SPATA13: variants seen among roughly 807,000 people sequenced by gnomAD.
SPATA13 encodes the protein spermatogenesis-associated protein 13.
Under a neutral mutation model 104.0 loss-of-function variants are expected in SPATA13, and 50 were observed. The ratio of observed to expected loss-of-function variants is 0.48; its 90% CI spans 0.38 to 0.61. The LOEUF (loss-of-function observed/expected upper bound fraction) is 0.61, where lower values mean the gene tolerates loss of function less well. Ranked by LOEUF, SPATA13 falls within the 20% of genes least tolerant of loss-of-function variation. The pLI is 0.00. For synonymous variants in SPATA13, 606 were observed against 667.5 expected, an observed-to-expected ratio of 0.91 and a Z score of 1.42; for missense variants, 1,524 against 1,690.6, an observed-to-expected ratio of 0.90 and a Z score of 1.73.
At position 24,190,282 on chromosome 13, in the gene SPATA13, A is replaced by ATGGTATATAATATTTATT. The variant is rs1869608573; in HGVS notation, c.-112+29350_-112+29351insTGGTATATAATATTTATT. Among the ~76,000 whole-genome samples the ATGGTATATAATATTTATT allele has an allele frequency of 1.8e-4, 2 of 10,922 alleles. 1 individual carries two copies. The highest frequency in any genetic ancestry group is 2.0e-4 in the African/African-American group (2 of 9,760). The allele number at this position is 10,922 out of a possible 152,430, so 7.2% of individuals were successfully genotyped here. A position where few individuals can be genotyped will look rare whatever the true frequency, so the allele number is the denominator to read the frequency against. ...ATACATAATATATATTATTATATAT[A>ATGGTATATAATATTTATT]ATATATAATATTATATATTATTATA... On this transcript the variant is annotated intron_variant, in intron 1 of 12. Transcript: ENST00000382108.
At chr13:24,056,106 G>T (rs1221283523) in intron 3 of SPATA13, among the ~76,000 whole-genome samples, 1 of 152,324 alleles carries the variant, frequency 6.6e-6, no homozygotes, top group African/African-American at 2.4e-5. Context: ...GGTTATGATA[G>T]AAAGATGGGA....
Position 24,203,391 on chromosome 13 carries a change from AAACT to A in SPATA13, c.-111-19427_-111-19424del, listed in dbSNP as rs1180394485. 2.0e-5 allele frequency among the ~76,000 whole-genome samples: 3 copies of A among 152,170 alleles called. No individual in the cohort carries two copies. The East Asian group carries it at 5.8e-4, about 29-fold the overall frequency. ...TCAACTTTTTAAGTAGCTTTTTCCTAAACTTGATCTTCCTGTGTCTGAGCCCCTA... is the reference window on the plus strand; with the variant it reads ...TCAACTTTTTAAGTAGCTTTTTCCTATGATCTTCCTGTGTCTGAGCCCCTA... On this transcript the variant is annotated intron_variant, in intron 1 of 12. Transcript: ENST00000382108.
chr13:24,138,477 A>G (rs1881647164), intron 3 of SPATA13, among the ~76,000 whole-genome samples: 1 of 152,252 alleles, frequency 6.6e-6, no homozygotes, highest in Admixed American at 6.5e-5. Flanking sequence ...TTAATAAAGG[A>G]ACTGCTGCGT....
At chr13:24,222,760 G>A in intron 1 of SPATA13, 59 bp from the exon 2 acceptor site, 1 of 1,417,286 alleles carries the variant, frequency 7.1e-7, no homozygotes, top group South Asian at 1.4e-5. Flanking sequence ...CTTCTTCTGT[G>A]AGCAGAGGGG....
intron 12 of SPATA13, 80 bp downstream of exon 12, chr13:24,300,555 C>G (rs753542756): frequency 5.4e-6 from 7 of 1,305,924 alleles, no homozygotes; most frequent in Non-Finnish European, 7.7e-6. Context: ...AAGTTGTCAG[C>G]CTGTGACCAG....
chr13:24,306,982 A>G lies in SPATA13; in HGVS notation c.*4209A>G, dbSNP rs140906951. 137 of 152,384 alleles carry G rather than the reference A, an allele frequency of 9.0e-4. 1 individual carries two copies. Among genetic ancestry groups the G allele is most frequent in the African/African-American group, 3.1e-3 (130 of 41,588 alleles). 9.4% of individuals were successfully genotyped at this position (152,384 alleles called of 1,614,324 possible). ...TTTTTGTTGAAGTTTTTTGTAAAAA[A>G]AAATTATTTACAATGTTATTTGAAT... On this transcript the variant is annotated 3_prime_UTR_variant, in exon 13 of 13. Coordinates refer to ENST00000382108, the MANE Select transcript of SPATA13 (RefSeq NM_001166271.3).
rs1876472659 is a variant in SPATA13 at position 24,011,597 on chromosome 13, C to T, written c.-146-6070C>T. 6.6e-6 allele frequency among the ~76,000 whole-genome samples: 1 copy of T among 152,198 alleles called. No individual in the cohort carries two copies. Among genetic ancestry groups the T allele is most frequent in the African/African-American group, 2.4e-5 (1 of 41,448 alleles). ...GATATGGATACAGACTAGCATGTCC[C>T]ATGCACCAGGACCCTCAGATCCACC... On this transcript the variant is annotated intron_variant, in intron 2 of 14. Transcript: ENST00000424834. The surrounding 1 kb of genome is among the most constrained non-coding windows in gnomAD (Gnocchi z 4.3).
In SPATA13 at chr13:24,284,172, G is replaced by A. The variant is rs745793125; in HGVS notation, c.2202G>A (p.Val734=). 1.2e-6 allele frequency: 2 copies of A among 1,613,884 alleles called. No homozygotes were observed. The highest frequency in any genetic ancestry group is 8.5e-7 in the Non-Finnish European group (1 of 1,179,920). Residue 734 remains valine, a synonymous_variant, in exon 5 of 13, where the codon GTG becomes GTA. Transcript: ENST00000382108. ...GAGGTACTGAGCCCTCTGCCTTAGT[G>A]GATGACAACGGTAGTGAGGAGGACT... is the stretch of plus-strand genomic sequence containing the variant. ...SDGGTEPSAL[V]DDNGSEEDFS...
intron 3 of SPATA13, among the ~76,000 whole-genome samples, chr13:24,118,438 C>G (rs1006512132): frequency 1.1e-4 from 17 of 152,146 alleles, no homozygotes; most frequent in Non-Finnish European, 2.4e-4. Flanking sequence ...ACAAGGAATT[C>G]CTAAGCACCA....
intron 3 of SPATA13, among the ~76,000 whole-genome samples, chr13:24,143,032 C>T (rs1175907639): frequency 6.6e-6 from 1 of 152,142 alleles, no homozygotes; most frequent in African/African-American, 2.4e-5. Flanking sequence ...GGCTTGAGTC[C>T]AAGTTGTTTC....
chr13:24,126,091 G>A (rs1402372053), intron 3 of SPATA13, among the ~76,000 whole-genome samples: 1 of 152,178 alleles, frequency 6.6e-6, no homozygotes, highest in Non-Finnish European at 1.5e-5. Context: ...CATTCTAGAA[G>A]TGATGAGAAA....
chr13:24,089,772 G>A (rs1879854684), intron 3 of SPATA13, among the ~76,000 whole-genome samples: 1 of 152,134 alleles, frequency 6.6e-6, no homozygotes, highest in African/African-American at 2.4e-5. Flanking sequence ...AGACTGAGGG[G>A]GTAACTTATA....
intron 3 of SPATA13, among the ~76,000 whole-genome samples, chr13:24,134,356 G>C (rs1045459903): frequency 6.6e-6 from 1 of 152,220 alleles, no homozygotes; most frequent in Non-Finnish European, 1.5e-5. Context: ...TCCTCTGGAA[G>C]ATTCTGGTGC....
Position 24,297,431 on chromosome 13 carries a change from A to C in SPATA13, c.3279A>C (p.Gln1093His), listed in dbSNP as rs765626462. The C allele has an allele frequency of 1.2e-6, 2 of 1,614,196 alleles. No homozygotes were observed. The highest frequency in any genetic ancestry group is 2.2e-5 in the South Asian group (2 of 91,082). ...HSGELTKITK[Q>H]GKSQQRTFFL... ...GGGAGCTGACCAAAATCACTAAGCA[A>C]GGCAAAAGCCAGCAGCGGACGTTCT... Residue 1093 changes from glutamine to histidine, a missense_variant, in exon 11 of 13, where the codon CAA becomes CAC. By Grantham distance (24) the Gln-to-His change is conservative (BLOSUM62 0). This residue lies in a region of SPATA13 where 435 missense variants were observed against 554.8 expected (regional missense o/e 0.78). Coordinates refer to ENST00000382108, the MANE Select transcript of SPATA13 (RefSeq NM_001166271.3).
rs547680106 is a variant in SPATA13 at position 24,187,896 on chromosome 13, G to A, written c.-112+26964G>A. Among the ~76,000 whole-genome samples, 19 of 152,226 alleles carry A rather than the reference G, an allele frequency of 1.2e-4. No homozygotes were observed. The South Asian group carries it at 2.9e-3, about 23-fold the overall frequency. Reference sequence around the variant, plus strand: ...AAGTGTTCAAGTGAAAGGAAGAGTCGCCCATCTCTATTTTAAATCCAAAGC... The same window carrying A: ...AAGTGTTCAAGTGAAAGGAAGAGTCACCCATCTCTATTTTAAATCCAAAGC... On this transcript the variant is annotated intron_variant, in intron 1 of 12. Transcript: ENST00000382108.
chr13:24,274,877 G>C (rs1381130736), intron 4 of SPATA13, among the ~76,000 whole-genome samples: 1 of 152,210 alleles, frequency 6.6e-6, no homozygotes, highest in Non-Finnish European at 1.5e-5. Context: ...GGCAGTGTTG[G>C]AGAGTGCCTC....
intron 3 of SPATA13, among the ~76,000 whole-genome samples, chr13:24,028,174 T>A (rs1302718756): frequency 6.6e-6 from 1 of 152,232 alleles, no homozygotes; most frequent in East Asian, 1.9e-4. Flanking sequence ...ATTATTATTA[T>A]CTTCTACTTA....
At position 24,037,517 on chromosome 13, in the gene SPATA13, C is replaced by A. The variant is rs1273135677; in HGVS notation, c.-112+19816C>A. Among the ~76,000 whole-genome samples the A allele has an allele frequency of 2.0e-5, 3 of 150,752 alleles. No homozygotes were observed. The Admixed American group carries it at 2.0e-4, about 10-fold the overall frequency. ...CTGTCTTCTGGGTTCAAGCGATTCTCCTGCCTCAGCCTCCTGAGTAGCTGG... is the reference window on the plus strand; with the variant it reads ...CTGTCTTCTGGGTTCAAGCGATTCTACTGCCTCAGCCTCCTGAGTAGCTGG... On this transcript the variant is annotated intron_variant, in intron 3 of 14. Transcript: ENST00000424834.
intron 3 of SPATA13, among the ~76,000 whole-genome samples, chr13:24,042,420 C>A (rs541412799): frequency 6.9e-6 from 1 of 144,686 alleles, no homozygotes; most frequent in Admixed American, 7.1e-5. Context: ...TGAGATGTTG[C>A]GTGTTCACAG....
Sources: gnomAD v4.1 joint callset for allele counts (sites outside exome capture counted in the v4.1 genomes callset) on GRCh38, gnomAD v4.1.1 for gene constraint, gnomAD v4.1.1 regional missense constraint, Gnocchi (gnomAD v3.1) non-coding constraint, MANE v1.5 for transcripts, NCBI Gene and HGNC (gene_info 2026-07-23, HGNC 2026-07-21) for gene names.